The following DNAH17 variants were observed in gnomAD, a reference collection of about 807,000 sequenced individuals.
The protein encoded by DNAH17 is axonemal beta dynein heavy chain 17.
DNAH17 carries 376 observed loss-of-function variants against 485.6 expected under a neutral mutation model. The ratio of observed to expected loss-of-function variants is 0.77; its 90% CI spans 0.71 to 0.84. The LOEUF is 0.84. DNAH17 is among the 40% of genes least tolerant of loss of function. The probability of loss-of-function intolerance (pLI) is 0.00; values close to 1 mark genes in which losing one functional copy is unlikely to be tolerated. For synonymous variants in DNAH17, 3,031 were observed against 2,405.9 expected (o/e 1.26, Z -7.60); for missense variants, 6,370 against 5,839.3 (o/e 1.09, Z -2.96).
chr17:78,424,651 G>C (rs2086341138), intron 80 of DNAH17: 1 of 155,712 alleles, frequency 6.4e-6, no homozygotes, highest in African/African-American at 2.4e-5. Context: ...AACAAACATG[G>C]AGAGCTTATC....
chr17:78,502,098 T>C (rs914238738), intron 33 of DNAH17: 9 of 573,628 alleles, frequency 1.6e-5, no homozygotes, highest in Non-Finnish European at 1.2e-5. Context: ...TAGAAGGAAA[T>C]TCAAGGCCAC....
rs572944814 is a variant in DNAH17 at position 78,509,953 on chromosome 17, G to A, written c.4236+431C>T. Among the ~76,000 whole-genome samples the A allele has an allele frequency of 1.2e-4, 19 of 152,242 alleles. No individual in the cohort carries two copies. The East Asian group carries it at 2.5e-3, about 20-fold the overall frequency. On this transcript the variant is annotated intron_variant, in intron 27 of 80. Transcript: ENST00000389840. The stretch of plus-strand genomic sequence containing the variant: ...TCCTAGCCCTTTGGGAGGCTGAGGC[G>A]AGCGGGTCAGTTGAAGTCAGGAGCT...
At chr17:78,556,411 T>C (rs932916644) in intron 14 of DNAH17, among the ~76,000 whole-genome samples, 1 of 152,180 alleles carries the variant, frequency 6.6e-6, no homozygotes, top group Non-Finnish European at 1.5e-5. Context: ...TCCAGCAGAA[T>C]GAAACAGATC....
intron 5 of DNAH17, 41 bp downstream of exon 5, chr17:78,571,234 CACAA>C (rs2092352917): frequency 2.6e-6 from 4 of 1,547,118 alleles, no homozygotes; most frequent in Non-Finnish European, 3.5e-6. Flanking sequence ...TCCCAGGAGG[CACAA>C]ACAGCTTCGT....
intron 29 of DNAH17, among the ~76,000 whole-genome samples, 156 bp downstream of exon 29, chr17:78,507,122 T>C (rs1366201348): frequency 1.3e-5 from 2 of 151,790 alleles, no homozygotes; most frequent in African/African-American, 4.8e-5. Flanking sequence ...GGCCGGGGAG[T>C]GTGTGCTCCC....
Position 78,561,892 on chromosome 17 carries a change from T to C in DNAH17, c.1658A>G (p.Asp553Gly). 1 of 1,613,826 alleles carries C rather than the reference T, an allele frequency of 6.2e-7. No homozygotes were observed. Among genetic ancestry groups the C allele is most frequent in the Non-Finnish European group, 8.5e-7 (1 of 1,179,840 alleles). Residue 553 changes from aspartate to glycine, a missense_variant, in exon 12 of 81, where the codon GAC (aspartate) becomes GGC (glycine). Transcript: ENST00000389840. ...GATCTTAGCATTGTCTAGCTCAGCG[T>C]CAAACAGCTCCAGCATGACTGAATA... ...PRYSVMLELF[D>G]AELDNAKILY...
At chr17:78,550,341 C>T (rs1325661843) in intron 16 of DNAH17, among the ~76,000 whole-genome samples, 1 of 7,204 alleles carries the variant, frequency 1.4e-4, no homozygotes, top group Non-Finnish European at 2.8e-4. Context: ...GCACTGCCAG[C>T]CTGCCCAGCA....
intron 25 of DNAH17, among the ~76,000 whole-genome samples, chr17:78,518,352 C>T (rs975226099): frequency 1.3e-5 from 2 of 151,620 alleles, no homozygotes; most frequent in African/African-American, 4.8e-5. Flanking sequence ...AGTAGCTATA[C>T]TAGTATCAGA....
intron 70 of DNAH17, 58 bp from the exon 71 acceptor site, chr17:78,444,855 C>G (rs2087214746): frequency 3.4e-6 from 5 of 1,478,914 alleles, no homozygotes; most frequent in Non-Finnish European, 3.6e-6. Context: ...TCCCGAGAGC[C>G]TTCCTGTACA....
At chr17:78,569,582 G>T in intron 7 of DNAH17, 55 bp from the exon 8 acceptor site, 1 of 1,552,542 alleles carries the variant, frequency 6.4e-7, no homozygotes, top group South Asian at 1.2e-5. Context: ...TTGGGGTGAC[G>T]TCCAGGCACG....
chr17:78,543,937 A>T lies in DNAH17; in HGVS notation c.2452T>A (p.Leu818Met), dbSNP rs1419964664. 8.1e-6 allele frequency: 13 copies of T among 1,614,024 alleles called. No homozygotes were observed. The highest frequency in any genetic ancestry group is 1.7e-5 in the Admixed American group (1 of 60,018). The change falls in exon 17 of 81, where the codon TTG (leucine) becomes ATG (methionine). Residue 818 changes from leucine (L) to methionine (M), a missense_variant. Leu to Met is a conservative substitution (Grantham distance 15, BLOSUM62 2). Coordinates refer to ENST00000389840, the MANE Select transcript of DNAH17 (RefSeq NM_173628.4). ...KDNKKEALLD[L>M]DGRIANLNKR... ...TTGAGGTTGGCAATTCTTCCATCCA[A>T]GTCTAACAGGGCCTCTTTCTTATTG...
rs1403871378 is a variant in DNAH17, at chr17:78,500,505, G to T, written c.5484-44C>A. The T allele has an allele frequency of 1.5e-5, 23 of 1,505,560 alleles. No homozygotes were observed. The East Asian group carries it at 5.5e-4, about 36-fold the overall frequency. The allele number at this position is 1,505,560 out of a possible 1,614,324, so 93.3% of individuals were successfully genotyped here. On this transcript the variant is annotated intron_variant, in intron 35 of 80. Coordinates refer to ENST00000389840, the MANE Select transcript of DNAH17 (RefSeq NM_173628.4). The stretch of plus-strand genomic sequence containing the variant: ...AAGCGTGTGTGCCAGCGACCCCATG[G>T]CCTCCCTGCTTTTATTTTTTTGAGA...
At chr17:78,570,489 G>C in intron 6 of DNAH17, 117 bp from the exon 7 acceptor site, 1 of 1,318,852 alleles carries the variant, frequency 7.6e-7, no homozygotes, top group Non-Finnish European at 1.0e-6. Context: ...GGTTCCCAAA[G>C]AGGAGGGGAG....
In DNAH17 at chr17:78,462,855, T is replaced by G. The variant is rs769725848; in HGVS notation, c.9163A>C (p.Thr3055Pro). 4.3e-6 allele frequency: 7 copies of G among 1,613,972 alleles called. No homozygotes were observed. The Admixed American group carries it at 1.2e-4, about 27-fold the overall frequency. Reference sequence around the variant, plus strand: ...CCCCCCTCTCCTACCTGGGAAGCCGTGCTCTGCAGCTTCATCAGGCCGTTC... The same window carrying G: ...CCCCCCTCTCCTACCTGGGAAGCCGGGCTCTGCAGCTTCATCAGGCCGTTC... ...LENGLMKLQS[T>P]ASQVDDLKAK... The change falls in exon 57 of 81, where the codon ACG becomes CCG. Residue 3055 changes from threonine (T) to proline (P), a missense_variant. Transcript: ENST00000389840.
chr17:78,565,815 T>G (rs746087863), intron 11 of DNAH17, among the ~76,000 whole-genome samples: 1 of 152,082 alleles, frequency 6.6e-6, no homozygotes, highest in Non-Finnish European at 1.5e-5. Flanking sequence ...CCAGGTGTGG[T>G]GGCGTATGCC....
At chr17:78,448,621 T>TG (rs1174869819) in intron 69 of DNAH17, among the ~76,000 whole-genome samples, 3 of 152,212 alleles carry the variant, frequency 2.0e-5, no homozygotes, top group Admixed American at 6.5e-5. Flanking sequence ...TACTATGGTT[T>TG]GAATGTGTTC....
intron 27 of DNAH17, among the ~76,000 whole-genome samples, chr17:78,509,047 A>ATGTTGGG (rs2090565034): frequency 3.3e-5 from 3 of 89,858 alleles, no homozygotes; most frequent in East Asian, 2.7e-4. Flanking sequence ...GCTCACTGCA[A>ATGTTGGG]CTTCTCCCTC....
chr17:78,507,656 G>A lies in DNAH17; in HGVS notation c.4386C>T (p.Ser1462=). The A allele has an allele frequency of 6.2e-7, 1 of 1,613,848 alleles. No homozygotes were observed. Among genetic ancestry groups the A allele is most frequent in the Non-Finnish European group, 8.5e-7 (1 of 1,180,022 alleles). Residue 1462 remains serine (S), a synonymous_variant, in exon 28 of 81, where the codon TCC becomes TCT. Transcript: ENST00000389840. ...NQVQLQNLMM[S]KYLAHFLKEV... ...CCTTCAGGAAGTGGGCCAGGTACTT[G>A]GACATCATCAGGTTCTGCAGCTGCA... is the stretch of plus-strand genomic sequence containing the variant.
intron 37 of DNAH17, among the ~76,000 whole-genome samples, chr17:78,498,357 A>G (rs951319229): frequency 6.6e-6 from 1 of 152,124 alleles, no homozygotes; most frequent in African/African-American, 2.4e-5. Context: ...CCAGGCCGCT[A>G]GGTCGGCCTC....
Sources: allele counts gnomAD v4.1 joint callset (sites outside exome capture counted in the v4.1 genomes callset), GRCh38; gene constraint gnomAD v4.1.1; transcripts MANE v1.5; gene names NCBI Gene and HGNC (gene_info 2026-07-23, HGNC 2026-07-21).